ZNF407: variants seen among roughly 807,000 people sequenced by gnomAD.
ZNF407 encodes zinc finger protein 407.
A neutral mutation model predicts 131.2 loss-of-function variants in ZNF407; 17 were observed. The observed-to-expected ratio is 0.13, with a 90% CI of 0.09 to 0.19. ZNF407 has a LOEUF of 0.19. ZNF407 is among the 10% of genes least tolerant of loss of function. The pLI, the probability that ZNF407 is intolerant of heterozygous loss-of-function variation, is 1.00. For synonymous variants in ZNF407, 1,156 were observed against 1,062.0 expected, an observed-to-expected ratio of 1.09 and a Z score of -1.72; for missense variants, 2,681 against 2,830.6, an observed-to-expected ratio of 0.95 and a Z score of 1.20.
chr18:74,926,619 G>A (rs1306641291), intron 8 of ZNF407, among the ~76,000 whole-genome samples: 1 of 152,090 alleles, frequency 6.6e-6, no homozygotes, highest in Non-Finnish European at 1.5e-5. Flanking sequence ...CCTGGCCAAT[G>A]TAGTGAAATC....
intron 6 of ZNF407, among the ~76,000 whole-genome samples, chr18:74,882,908 T>C (rs1003673701): frequency 2.0e-5 from 3 of 152,228 alleles, no homozygotes; most frequent in Non-Finnish European, 4.4e-5. Flanking sequence ...ATTGTTACTG[T>C]TTAAATGCCA....
intron 8 of ZNF407, among the ~76,000 whole-genome samples, chr18:75,040,832 T>G (rs1752672610): frequency 6.6e-6 from 1 of 152,188 alleles, no homozygotes; most frequent in Admixed American, 6.5e-5. Context: ...AACATTCTAA[T>G]TTGTGAAAAA....
chr18:74,657,851 C>A (rs1460421555), intron 3 of ZNF407, among the ~76,000 whole-genome samples: 1 of 152,018 alleles, frequency 6.6e-6, no homozygotes, highest in Admixed American at 6.6e-5. Flanking sequence ...TCCCCATCCT[C>A]TCCTTCCTCC....
At chr18:74,699,928 A>T (rs1308222584) in intron 3 of ZNF407, among the ~76,000 whole-genome samples, 1 of 152,148 alleles carries the variant, frequency 6.6e-6, no homozygotes, top group East Asian at 1.9e-4. Flanking sequence ...CTCTTAGTAA[A>T]TTAAAGTTGC....
At chr18:75,025,802 T>C (rs1282666104) in intron 8 of ZNF407, among the ~76,000 whole-genome samples, 1 of 152,210 alleles carries the variant, frequency 6.6e-6, no homozygotes, top group Non-Finnish European at 1.5e-5. Flanking sequence ...TTGAACGTAG[T>C]AATTAGTCAT....
At chr18:74,706,940 C>CCTTTTTTTTTTTTT (rs1967637808) in intron 3 of ZNF407, among the ~76,000 whole-genome samples, 30 of 132,346 alleles carry the variant, frequency 2.3e-4, no homozygotes, top group Non-Finnish European at 4.3e-4. Flanking sequence ...AAGACAGCAG[C>CCTTTTTTTTTTTTT]TTTTTTTTTT....
intron 8 of ZNF407, among the ~76,000 whole-genome samples, chr18:74,959,174 T>C (rs949060694): frequency 6.6e-6 from 1 of 152,210 alleles, no homozygotes; most frequent in Non-Finnish European, 1.5e-5. Flanking sequence ...AGGATAATAT[T>C]TGTGTTTCTT....
At chr18:74,621,796 C>T (rs1052450759) in intron 1 of ZNF407, among the ~76,000 whole-genome samples, 4 of 152,164 alleles carry the variant, frequency 2.6e-5, no homozygotes, top group Admixed American at 6.5e-5. Flanking sequence ...TTTAAACCAC[C>T]GAAGGCATTT....
chr18:75,005,533 A>G (rs1276845867), intron 8 of ZNF407, among the ~76,000 whole-genome samples: 1 of 152,100 alleles, frequency 6.6e-6, no homozygotes, highest in Admixed American at 6.5e-5. Flanking sequence ...TTCTATTGAG[A>G]TTGAAAACCT....
At chr18:74,811,746 T>C (rs941742060) in intron 4 of ZNF407, among the ~76,000 whole-genome samples, 47 of 151,992 alleles carry the variant, frequency 3.1e-4, no homozygotes, top group African/African-American at 9.9e-4. Flanking sequence ...AAATTGGAAA[T>C]CATCATTCTC....
intron 6 of ZNF407, among the ~76,000 whole-genome samples, chr18:74,881,603 C>A (rs955175193): frequency 6.6e-6 from 1 of 152,122 alleles, no homozygotes; most frequent in Non-Finnish European, 1.5e-5. Context: ...CCCTCCCCAC[C>A]CGCCTGTCTA....
chr18:74,632,010 A>G lies in ZNF407; in HGVS notation c.991A>G (p.Arg331Gly). ...RNVGSTFKDF[R>G]GSISKQSGSS... ...TGTGGGAAGCACGTTTAAAGATTTCAGAGGAAGTATTTCTAAACAAAGTGG... is the reference window on the plus strand; with the variant it reads ...TGTGGGAAGCACGTTTAAAGATTTCGGAGGAAGTATTTCTAAACAAAGTGG... Residue 331 changes from arginine to glycine, a missense_variant, in exon 2 of 9, where the codon AGA becomes GGA. This residue lies in a region of ZNF407 where 1,789 missense variants were observed against 1,748.7 expected (regional missense o/e 1.02). Transcript: ENST00000299687. 1 of 1,613,952 alleles carries G rather than the reference A, an allele frequency of 6.2e-7. No homozygotes were observed. The highest frequency in any genetic ancestry group is 1.3e-5 in the African/African-American group (1 of 75,062).
intron 3 of ZNF407, among the ~76,000 whole-genome samples, chr18:74,729,869 G>A (rs951020958): frequency 2.0e-5 from 3 of 152,144 alleles, no homozygotes; most frequent in Non-Finnish European, 2.9e-5. Flanking sequence ...GACAGTTTTG[G>A]CCGGCAATAT....
intron 3 of ZNF407, among the ~76,000 whole-genome samples, chr18:74,760,656 G>T (rs1969074241): frequency 6.6e-6 from 1 of 152,138 alleles, no homozygotes; most frequent in Admixed American, 6.5e-5. Flanking sequence ...CAAACCCTGA[G>T]CATGGAGTGT....
At chr18:74,823,582 C>G (rs1035935729) in intron 4 of ZNF407, among the ~76,000 whole-genome samples, 1 of 152,104 alleles carries the variant, frequency 6.6e-6, no homozygotes, top group Non-Finnish European at 1.5e-5. Context: ...ATAAAACAGA[C>G]TTCAAACCAA....
chr18:74,645,564 G>A (rs1448678633), intron 3 of ZNF407, among the ~76,000 whole-genome samples: 2 of 151,914 alleles, frequency 1.3e-5, no homozygotes, highest in Non-Finnish European at 2.9e-5. Context: ...GTGTATTAAT[G>A]TGCTTATGAA....
At chr18:74,685,431 CAA>C (rs2144786068) in intron 3 of ZNF407, among the ~76,000 whole-genome samples, 1 of 152,310 alleles carries the variant, frequency 6.6e-6, no homozygotes, top group African/African-American at 2.4e-5. Context: ...GTCTCCTGCT[CAA>C]TGGCTGACCC....
At chr18:74,684,252 C>T (rs953630029) in intron 3 of ZNF407, among the ~76,000 whole-genome samples, 9 of 151,884 alleles carry the variant, frequency 5.9e-5, no homozygotes, top group Admixed American at 4.6e-4. Context: ...AACAGATTAT[C>T]CCCCTACCCC....
Position 74,622,756 on chromosome 18 carries a change from GA to G in ZNF407, c.-53-8209del, listed in dbSNP as rs1482356326. 5.3e-5 allele frequency among the ~76,000 whole-genome samples: 8 copies of G among 152,004 alleles called. 1 individual carries two copies. The East Asian group carries it at 9.7e-4, about 18-fold the overall frequency. On this transcript the variant is annotated intron_variant, in intron 1 of 8. Coordinates refer to ENST00000299687, the MANE Select transcript of ZNF407 (RefSeq NM_017757.3). Reference sequence around the variant, plus strand: ...TGTGTCTGTGAGTGTGTGTGTGAATGAATATTTGTGTGTGAGAGTGCGCGTG... The same window carrying G: ...TGTGTCTGTGAGTGTGTGTGTGAATGATATTTGTGTGTGAGAGTGCGCGTG...
Sources: gnomAD v4.1 joint callset for allele counts (sites outside exome capture counted in the v4.1 genomes callset) on GRCh38, gnomAD v4.1.1 for gene constraint, gnomAD v4.1.1 regional missense constraint, MANE v1.5 for transcripts, NCBI Gene and HGNC (gene_info 2026-07-23, HGNC 2026-07-21) for gene names.